RASGRF2: variants seen among roughly 807,000 people sequenced by gnomAD.
RASGRF2 encodes the protein ras-specific guanine nucleotide-releasing factor 2.
RASGRF2 carries 76 observed loss-of-function variants against 151.0 expected under a neutral mutation model. That is an observed-to-expected ratio of 0.50 (90% CI 0.42 to 0.61). The LOEUF (loss-of-function observed/expected upper bound fraction) is 0.61, where lower values mean the gene tolerates loss of function less well. Among genes scored for constraint, RASGRF2 ranks in the 20% least tolerant of loss-of-function variants. The pLI is 0.00. For synonymous variants in RASGRF2, 504 were observed against 566.5 expected (o/e 0.89, Z 1.57); for missense variants, 1,148 against 1,564.6 (o/e 0.73, Z 4.49).
intron 18 of RASGRF2, among the ~76,000 whole-genome samples, chr5:81,185,759 T>C (rs1480626810): frequency 6.6e-6 from 1 of 152,188 alleles, no homozygotes. Flanking sequence ...AAGGGCCTCC[T>C]GTGCAGGCCA....
intron 1 of RASGRF2, among the ~76,000 whole-genome samples, chr5:81,005,566 G>A (rs528426092): frequency 6.6e-6 from 1 of 152,172 alleles, no homozygotes; most frequent in South Asian, 2.1e-4. Flanking sequence ...TAGCATATTT[G>A]TATTTCACTC....
At position 81,013,516 on chromosome 5, in the gene RASGRF2, A is replaced by G. The variant is rs148260665; in HGVS notation, c.289-29361A>G. ...CTATATAGACACGGAGCTCATGCAC[A>G]ATTCCCTTCTTTCAACAATCAAATC... On this transcript the variant is annotated intron_variant, in intron 1 of 26. Transcript: ENST00000265080. 4.3e-3 allele frequency among the ~76,000 whole-genome samples: 659 copies of G among 152,132 alleles called. 6 individuals are homozygous for G. The highest frequency in any genetic ancestry group is 0.015 in the African/African-American group (633 of 41,496).
rs1561544850 is a variant in RASGRF2 at position 80,996,521 on chromosome 5, C to CTTCTTCTTCTTCTT, written c.288+35495_288+35496insTTCTTCTTCTTCTT. 1.6e-3 allele frequency among the ~76,000 whole-genome samples: 40 copies of CTTCTTCTTCTTCTT among 24,692 alleles called. 6 individuals carry two copies. The highest frequency in any genetic ancestry group is 3.1e-3 in the African/African-American group (20 of 6,428). The allele number at this position is 24,692 out of a possible 152,430, so 16.2% of individuals were successfully genotyped here. On this transcript the variant is annotated intron_variant, in intron 1 of 26. Coordinates refer to ENST00000265080, the MANE Select transcript of RASGRF2 (RefSeq NM_006909.3). ...TTCTTCTTCCTCCTCCTCCTCCTCCCCCTCCTCCTCCTCCCCCTCCTCCTC... is the reference window on the plus strand; with the variant it reads ...TTCTTCTTCCTCCTCCTCCTCCTCCCTTCTTCTTCTTCTTCCTCCTCCTCCTCCCCCTCCTCCTC...
chr5:81,021,348 T>C (rs940233541), intron 1 of RASGRF2, among the ~76,000 whole-genome samples: 2 of 105,584 alleles, frequency 1.9e-5, no homozygotes, highest in African/African-American at 7.6e-5. Context: ...AAAATATTTT[T>C]CTAAATTTCT....
At chr5:81,128,576 T>A (rs1182387766) in intron 17 of RASGRF2, among the ~76,000 whole-genome samples, 1 of 152,118 alleles carries the variant, frequency 6.6e-6, no homozygotes, top group Non-Finnish European at 1.5e-5. Flanking sequence ...GTTTCCATTT[T>A]AATTGAGTAC....
chr5:81,033,887 A>T (rs973820362), intron 1 of RASGRF2, among the ~76,000 whole-genome samples: 2 of 152,326 alleles, frequency 1.3e-5, no homozygotes, highest in Non-Finnish European at 2.9e-5. Flanking sequence ...GAAAATTTTT[A>T]CAATCTACCC....
chr5:81,211,166 T>C (rs964001523), intron 22 of RASGRF2, among the ~76,000 whole-genome samples: 23 of 143,376 alleles, frequency 1.6e-4, no homozygotes, highest in African/African-American at 5.6e-4. Flanking sequence ...AAAAAAAGAC[T>C]CAGTGCAGGC....
At chr5:81,134,499 G>A (rs1046349905) in intron 17 of RASGRF2, among the ~76,000 whole-genome samples, 84 of 152,084 alleles carry the variant, frequency 5.5e-4, no homozygotes, top group African/African-American at 1.9e-3. Flanking sequence ...TGTAGCATCA[G>A]CATAACCTGG....
In RASGRF2 at chr5:81,100,323, G is replaced by A. The variant is rs1252569954; in HGVS notation, c.1755+5331G>A. Among the ~76,000 whole-genome samples the A allele has an allele frequency of 2.0e-5, 3 of 152,246 alleles. No homozygotes were observed. In the East Asian group the frequency reaches 5.8e-4, roughly 29 times the overall value. The stretch of plus-strand genomic sequence containing the variant: ...TTTTTAAGATGATAAAGTGGTTCCT[G>A]AGTATTGCTACAATCCCAGTTTCCC... On this transcript the variant is annotated intron_variant, in intron 12 of 26. Transcript: ENST00000265080.
At chr5:81,158,766 T>C (rs1403176476) in intron 17 of RASGRF2, among the ~76,000 whole-genome samples, 1 of 152,046 alleles carries the variant, frequency 6.6e-6, no homozygotes, top group Non-Finnish European at 1.5e-5. Flanking sequence ...AATAGCAAAA[T>C]AAAATTGACA....
chr5:81,080,445 G>A (rs1561597505), intron 6 of RASGRF2, 151 bp from the exon 7 acceptor site: 4 of 1,032,250 alleles, frequency 3.9e-6, no homozygotes, highest in Admixed American at 5.3e-5. Context: ...GCCCATGAGT[G>A]CATTCTACCA....
At chr5:81,145,406 T>A (rs1025865564) in intron 17 of RASGRF2, among the ~76,000 whole-genome samples, 1 of 152,162 alleles carries the variant, frequency 6.6e-6, no homozygotes, top group Non-Finnish European at 1.5e-5. Context: ...GTCTGGTGGT[T>A]TTAAAAATAT....
chr5:81,225,513 CTTTT>C (rs11341888), intron 26 of RASGRF2, among the ~76,000 whole-genome samples, 161 bp from the exon 27 acceptor site: 4 of 141,452 alleles, frequency 2.8e-5, no homozygotes, highest in Non-Finnish European at 3.1e-5. Flanking sequence ...AGATGTTCAC[CTTTT>C]TTTTTTTTTT....
rs189416783 is a variant in RASGRF2 at position 80,969,000 on chromosome 5, C to T, written c.288+7974C>T. Among the ~76,000 whole-genome samples, 6 of 151,956 alleles carry T rather than the reference C, an allele frequency of 3.9e-5. No homozygotes were observed. In the East Asian group the frequency reaches 5.9e-4, roughly 15 times the overall value. ...TCCCTGGCCAAAATGAATTGCATAACCATGATCATGGTGTAAAGTGTTTTC... is the reference window on the plus strand; with the variant it reads ...TCCCTGGCCAAAATGAATTGCATAATCATGATCATGGTGTAAAGTGTTTTC... On this transcript the variant is annotated intron_variant, in intron 1 of 26. Transcript: ENST00000265080.
intron 26 of RASGRF2, among the ~76,000 whole-genome samples, chr5:81,221,797 T>C (rs568657262): frequency 3.3e-5 from 5 of 152,276 alleles, no homozygotes; most frequent in African/African-American, 1.2e-4. Flanking sequence ...GCCAACATGG[T>C]GAAACCCCAT....
Position 81,087,316 on chromosome 5 carries a change from G to A in RASGRF2, c.1390+363G>A, listed in dbSNP as rs763852632. The stretch of plus-strand genomic sequence containing the variant: ...CCAGGCCAAGGCCCAGGAGAAACTT[G>A]CGTTGCTCAAAGCCCTTTCACATAA... On this transcript the variant is annotated intron_variant, in intron 9 of 26. Transcript: ENST00000265080. 4 of 702,968 alleles carry A rather than the reference G, an allele frequency of 5.7e-6. No individual in the cohort carries two copies. In the South Asian group the frequency reaches 5.9e-5, roughly 10 times the overall value. The allele number at this position is 702,968 out of a possible 1,614,324, so 43.5% of individuals were successfully genotyped here.
At chr5:80,964,414 C>G (rs1176711123) in intron 1 of RASGRF2, among the ~76,000 whole-genome samples, 3 of 152,042 alleles carry the variant, frequency 2.0e-5, no homozygotes, top group African/African-American at 7.2e-5. Flanking sequence ...ATGGTAGGCT[C>G]TGTGCTCTTG....
intron 1 of RASGRF2, among the ~76,000 whole-genome samples, chr5:80,963,182 C>T (rs1747617986): frequency 6.6e-6 from 1 of 152,228 alleles, no homozygotes; most frequent in South Asian, 2.1e-4. Flanking sequence ...GGTTACCTCT[C>T]AGCTAATTTA....
intron 25 of RASGRF2, among the ~76,000 whole-genome samples, chr5:81,217,933 G>A (rs909987413): frequency 2.6e-5 from 4 of 152,018 alleles, no homozygotes; most frequent in African/African-American, 4.8e-5. Context: ...TAGTAGAGAC[G>A]GGGTTTCACT....
Sources: allele counts gnomAD v4.1 joint callset (sites outside exome capture counted in the v4.1 genomes callset), GRCh38; gene constraint gnomAD v4.1.1; transcripts MANE v1.5; gene names NCBI Gene and HGNC (gene_info 2026-07-23, HGNC 2026-07-21).